The following ZNF566 variants were observed in gnomAD, a reference collection of about 807,000 sequenced individuals.
ZNF566 encodes the protein zinc finger protein 566.
A neutral mutation model predicts 32.8 loss-of-function variants in ZNF566; 27 were observed. The ratio of observed to expected loss-of-function variants is 0.82; its 90% confidence interval spans 0.61 to 1.14. The LOEUF (loss-of-function observed/expected upper bound fraction) is 1.14, where lower values mean the gene tolerates loss of function less well. Ranked by LOEUF, ZNF566 falls within the 50% of genes most tolerant of loss-of-function variation. The pLI is 0.00. For missense variants in ZNF566, 402 were observed against 490.4 expected, an observed-to-expected ratio of 0.82 and a Z score of 1.70; for synonymous variants, 154 against 159.5, an observed-to-expected ratio of 0.97 and a Z score of 0.26.
chr19:36,458,989 G>C (rs922660241), intron 4 of ZNF566, among the ~76,000 whole-genome samples: 1 of 152,266 alleles, frequency 6.6e-6, no homozygotes, highest in Non-Finnish European at 1.5e-5. Context: ...AGGTAGCTGG[G>C]ATTACAGGCA....
chr19:36,462,734 T>G (rs1225886038), intron 4 of ZNF566, among the ~76,000 whole-genome samples: 1 of 151,732 alleles, frequency 6.6e-6, no homozygotes, highest in Non-Finnish European at 1.5e-5. Context: ...CAATCTCTCT[T>G]GGTGTTAAGA....
At chr19:36,458,852 C>T (rs1402618692) in intron 4 of ZNF566, among the ~76,000 whole-genome samples, 1 of 152,090 alleles carries the variant, frequency 6.6e-6, no homozygotes, top group East Asian at 1.9e-4. Context: ...ACTGTAAATA[C>T]ATATAATTTT....
chr19:36,473,414 C>T lies in ZNF566; in HGVS notation c.54G>A (p.Glu18=), dbSNP rs751520108. The change falls in exon 3 of 5, where the codon GAG becomes GAA. Residue 18 remains glutamate, a synonymous_variant. Coordinates refer to ENST00000452939, the MANE Select transcript of ZNF566 (RefSeq NM_001145344.1). ...FSDVSVDFSQ[E]EWECLNDDQR... ...GATCATCATTCAGGCATTCCCACTC[C>T]TCCTGAGAGAAGTCTACGGACACAT... 1.2e-6 allele frequency: 2 copies of T among 1,613,386 alleles called. No individual in the cohort carries two copies. The highest frequency in any genetic ancestry group is 1.7e-6 in the Non-Finnish European group (2 of 1,179,574).
At chr19:36,477,213 T>C (rs1419131831) in intron 1 of ZNF566, among the ~76,000 whole-genome samples, 5 of 151,894 alleles carry the variant, frequency 3.3e-5, no homozygotes, top group Non-Finnish European at 7.4e-5. Context: ...GGTTTCACTC[T>C]GTTAGCCAGG....
rs140773086 is a variant in ZNF566 at position 36,473,432 on chromosome 19, G to A, written c.36C>T (p.Ser12=). 2.5e-5 allele frequency: 40 copies of A among 1,610,486 alleles called. No homozygotes were observed. In the African/African-American group the frequency reaches 2.5e-4, roughly 10 times the overall value. The change falls in exon 3 of 5, where the codon TCC becomes TCT. Residue 12 remains serine (S), a synonymous_variant. Transcript: ENST00000452939. ...CCCACTCCTCCTGAGAGAAGTCTAC[G>A]GACACATCACTGAACATCACTGACT... ...AQESVMFSDV[S]VDFSQEEWEC...
intron 4 of ZNF566, among the ~76,000 whole-genome samples, chr19:36,459,931 G>GCCTC (rs753951670): frequency 6.7e-6 from 1 of 149,630 alleles, no homozygotes; most frequent in Non-Finnish European, 1.5e-5. Context: ...AGATCCTCCT[G>GCCTC]CCTCTCAGCC....
intron 1 of ZNF566, among the ~76,000 whole-genome samples, chr19:36,483,534 G>A (rs949307328): frequency 2.0e-5 from 3 of 151,932 alleles, no homozygotes; most frequent in South Asian, 2.1e-4. Context: ...ATGATCACAC[G>A]TTGAAAAGAC....
chr19:36,476,057 G>A (rs2033876328), intron 2 of ZNF566: 2 of 152,104 alleles, frequency 1.3e-5, no homozygotes, highest in African/African-American at 2.4e-5. Flanking sequence ...TATAATCCCA[G>A]CTCTTTGGGA....
rs1401720299 is a variant in ZNF566, at chr19:36,449,406, A to G, written c.828T>C (p.Ile276=). 6.2e-7 allele frequency: 1 copy of G among 1,614,146 alleles called. No homozygotes were observed. ...ATTCATAAGGCTTCTCACCTGTGTGAATTCTCTGATGTCGAGTGAAGTTTG... is the reference window on the plus strand; with the variant it reads ...ATTCATAAGGCTTCTCACCTGTGTGGATTCTCTGATGTCGAGTGAAGTTTG... The part of the protein sequence containing the change: ...SGSNFTRHQR[I]HTGEKPYECK... The change falls in exon 5 of 5, where the codon ATT becomes ATC. Residue 276 remains isoleucine (I), a synonymous_variant. Transcript: ENST00000452939.
intron 2 of ZNF566, chr19:36,476,340 T>C: frequency 2.4e-6 from 1 of 419,104 alleles, no homozygotes. Context: ...TTTCTAACAA[T>C]GATTATGTAA....
At chr19:36,470,016 C>T (rs1413702240) in intron 4 of ZNF566, among the ~76,000 whole-genome samples, 1 of 152,158 alleles carries the variant, frequency 6.6e-6, no homozygotes, top group Admixed American at 6.6e-5. Context: ...ACTTTTCTTC[C>T]TGAGTTCCTG....
At chr19:36,487,759 G>C (rs897288980) in intron 1 of ZNF566, among the ~76,000 whole-genome samples, 1 of 151,830 alleles carries the variant, frequency 6.6e-6, no homozygotes, top group African/African-American at 2.4e-5. Flanking sequence ...AATTAGCCGG[G>C]TGTGATGGGT....
intron 4 of ZNF566, among the ~76,000 whole-genome samples, chr19:36,457,063 G>C (rs1215407301): frequency 1.3e-5 from 2 of 152,080 alleles, no homozygotes; most frequent in African/African-American, 2.4e-5. Flanking sequence ...TCAACCAATG[G>C]AACAGAATAC....
intron 1 of ZNF566, among the ~76,000 whole-genome samples, chr19:36,483,036 G>A (rs2034073887): frequency 6.6e-6 from 1 of 152,168 alleles, no homozygotes; most frequent in African/African-American, 2.4e-5. Flanking sequence ...AGTACCATGA[G>A]AATGTAGATA....
rs770586030 is a variant in ZNF566 at position 36,472,895 on chromosome 19, G to C, written c.232+16C>G. On this transcript the variant is annotated intron_variant, in intron 4 of 4. Coordinates refer to ENST00000452939, the MANE Select transcript of ZNF566 (RefSeq NM_001145344.1). The stretch of plus-strand genomic sequence containing the variant: ...CTACCAGCCAAATCACGCATTACCT[G>C]CTGTGCCTCACTTACCTGGCCACTG... 1.7e-5 allele frequency: 27 copies of C among 1,601,734 alleles called. No individual in the cohort carries two copies. Among genetic ancestry groups the C allele is most frequent in the Non-Finnish European group, 2.0e-5 (24 of 1,172,936 alleles).
intron 4 of ZNF566, among the ~76,000 whole-genome samples, chr19:36,456,975 T>C (rs1457473242): frequency 6.6e-6 from 1 of 152,124 alleles, no homozygotes; most frequent in African/African-American, 2.4e-5. Context: ...GAGGCATCAC[T>C]ACATCCGATA....
Position 36,473,431 on chromosome 19 carries a change from C to T in ZNF566, c.37G>A (p.Val13Ile), listed in dbSNP as rs186379537. The change falls in exon 3 of 5, where the codon GTA (valine) becomes ATA (isoleucine). Residue 13 changes from valine (V) to isoleucine (I), a missense_variant. By Grantham distance (29) the Val-to-Ile change is conservative. Around this residue, in one of 3 missense-constraint regions of ZNF566, gnomAD observed 220 missense variants for 241.9 expected, o/e 0.91. Transcript: ENST00000452939. The part of the protein sequence containing the change: ...QESVMFSDVS[V>I]DFSQEEWECL... ...TCCCACTCCTCCTGAGAGAAGTCTA[C>T]GGACACATCACTGAACATCACTGAC... The T allele has an allele frequency of 4.2e-5, 67 of 1,610,620 alleles. No individual in the cohort carries two copies. The highest frequency in any genetic ancestry group is 3.2e-4 in the South Asian group (29 of 90,488).
chr19:36,478,660 T>C (rs899919343), intron 1 of ZNF566, among the ~76,000 whole-genome samples: 1 of 151,964 alleles, frequency 6.6e-6, no homozygotes, highest in Non-Finnish European at 1.5e-5. Flanking sequence ...AAAGAAAACT[T>C]TCTCAACTTG....
rs769317301 is a variant in ZNF566 at position 36,448,984 on chromosome 19, T to C, written c.1250A>G (p.Tyr417Cys). The C allele has an allele frequency of 3.8e-6, 6 of 1,578,510 alleles. No homozygotes were observed. Among genetic ancestry groups the C allele is most frequent in the Non-Finnish European group, 5.1e-6 (6 of 1,165,792 alleles). ...DPQLIQHQNL[Y>C]W ...TTCATATATTCTGTTTCATCACCAG[T>C]ACAAATTTTGATGCTGAATAAGTTG... The change falls in exon 5 of 5, where the codon TAC (tyrosine) becomes TGC (cysteine). Residue 417 changes from tyrosine (Y) to cysteine (C), a missense_variant. Tyr to Cys is a radical substitution (Grantham distance 194). Transcript: ENST00000452939.
Sources: allele counts gnomAD v4.1 joint callset (sites outside exome capture counted in the v4.1 genomes callset), GRCh38; gene constraint gnomAD v4.1.1; regional missense constraint gnomAD v4.1.1; transcripts MANE v1.5; gene names NCBI Gene and HGNC (gene_info 2026-07-23, HGNC 2026-07-21).